The following MCPH1 variants were observed in gnomAD, a reference collection of about 807,000 sequenced individuals.
MCPH1 encodes microcephalin 1, also known as microcephalin.
MCPH1 carries 104 observed loss-of-function variants against 84.5 expected under a neutral mutation model. The ratio of observed to expected loss-of-function variants is 1.23; its 90% CI spans 1.05 to 1.45. The LOEUF is 1.45. MCPH1 is among the 40% of genes most tolerant of loss of function. MCPH1 has a pLI of 0.00. For missense variants in MCPH1, 1,498 were observed against 1,005.7 expected (o/e 1.49, Z -6.62); for synonymous variants, 514 against 366.8 (o/e 1.40, Z -4.58).
chr8:6,579,173 C>T (rs186125815), intron 12 of MCPH1, among the ~76,000 whole-genome samples: 8 of 152,324 alleles, frequency 5.3e-5, no homozygotes, highest in Non-Finnish European at 5.9e-5. Flanking sequence ...GCATCATCCA[C>T]CTGTAGCCTC....
intron 11 of MCPH1, among the ~76,000 whole-genome samples, chr8:6,494,854 T>A (rs188408028): frequency 6.6e-6 from 1 of 152,308 alleles, no homozygotes; most frequent in African/African-American, 2.4e-5. Flanking sequence ...TGATATAAAA[T>A]GCCATTGAAT....
chr8:6,487,296 C>G (rs1810052037), intron 11 of MCPH1, among the ~76,000 whole-genome samples: 1 of 152,122 alleles, frequency 6.6e-6, no homozygotes, highest in African/African-American at 2.4e-5. Context: ...CCACATTGAA[C>G]TTAGTAAGCA....
At chr8:6,472,819 G>T (rs1807923558) in intron 9 of MCPH1, among the ~76,000 whole-genome samples, 1 of 152,128 alleles carries the variant, frequency 6.6e-6, no homozygotes, top group Admixed American at 6.5e-5. Context: ...TTTGCGGAAG[G>T]CAAAATATCA....
intron 12 of MCPH1, among the ~76,000 whole-genome samples, chr8:6,582,638 C>T (rs114472607): frequency 0.011 from 1,689 of 152,284 alleles, 34 homozygotes; most frequent in African/African-American, 0.039. Context: ...CTGGTGCCCA[C>T]CTCCACCTCC....
intron 12 of MCPH1, among the ~76,000 whole-genome samples, chr8:6,567,406 G>A (rs1396225213): frequency 2.0e-5 from 3 of 151,990 alleles, no homozygotes; most frequent in Admixed American, 6.6e-5. Context: ...AGTGACCACC[G>A]TGTGAACAGG....
In MCPH1 at chr8:6,621,575, T is replaced by A. The variant is rs1323619409; in HGVS notation, c.2336T>A (p.Val779Asp). Residue 779 changes from valine (V) to aspartate (D), a missense_variant, in exon 13 of 14, where the codon GTC (valine) becomes GAC (aspartate). By Grantham distance (152) the Val-to-Asp change is radical (BLOSUM62 -3). Transcript: ENST00000344683. ...SPPVAKLCEL[V>D]HLCGGRVSQV... The stretch of plus-strand genomic sequence containing the variant: ...CCAGTGGCCAAGCTCTGTGAACTAG[T>A]CCACCTGTGCGGAGGCCGGGTCAGC... 1 of 1,614,078 alleles carries A rather than the reference T, an allele frequency of 6.2e-7. No homozygotes were observed. The highest frequency in any genetic ancestry group is 8.5e-7 in the Non-Finnish European group (1 of 1,180,050).
At chr8:6,634,485 C>T (rs370327272) in intron 13 of MCPH1, among the ~76,000 whole-genome samples, 2 of 141,418 alleles carry the variant, frequency 1.4e-5, no homozygotes, top group African/African-American at 4.9e-5. Flanking sequence ...ATGCCAAGGA[C>T]AGAATGACTG....
At chr8:6,622,644 A>G (rs1350570595) in intron 13 of MCPH1, among the ~76,000 whole-genome samples, 9 of 152,160 alleles carry the variant, frequency 5.9e-5, no homozygotes, top group African/African-American at 1.2e-4. Flanking sequence ...GAAGTCTAAG[A>G]TGGGGTATCG....
Position 6,465,993 on chromosome 8 carries a change from C to A in MCPH1, c.1935+10741C>A, listed in dbSNP as rs1040836962. Reference sequence around the variant, plus strand: ...CATCCGATACAGAGCCTCGCTCTGTCGCCCAGGCTGGAGTGCAGTGGCGCT... The same window carrying A: ...CATCCGATACAGAGCCTCGCTCTGTAGCCCAGGCTGGAGTGCAGTGGCGCT... On this transcript the variant is annotated intron_variant, in intron 9 of 13. Transcript: ENST00000344683. Among the ~76,000 whole-genome samples, 5 of 151,608 alleles carry A rather than the reference C, an allele frequency of 3.3e-5. No individual in the cohort carries two copies. The South Asian group carries it at 1.0e-3, about 32-fold the overall frequency.
intron 11 of MCPH1, among the ~76,000 whole-genome samples, chr8:6,496,611 G>C (rs893254946): frequency 6.6e-6 from 1 of 151,558 alleles, no homozygotes; most frequent in Admixed American, 6.6e-5. Flanking sequence ...TCACAGTATG[G>C]TGGGTGGTAA....
rs116394737 is a variant in MCPH1, at chr8:6,474,806, C to G, written c.1936-2788C>G. Among the ~76,000 whole-genome samples, 1,325 of 152,148 alleles carry G rather than the reference C, an allele frequency of 8.7e-3. 20 individuals carry two copies. Among genetic ancestry groups the G allele is most frequent in the African/African-American group, 0.03 (1,244 of 41,474 alleles). ...CCGAGGGCAGGTATTTGAGACCAGC[C>G]TTGGTGACATAGCGAGAGACCCCAT... On this transcript the variant is annotated intron_variant, in intron 9 of 13. Transcript: ENST00000344683.
chr8:6,578,182 C>T (rs1315586587), intron 12 of MCPH1, among the ~76,000 whole-genome samples: 1 of 152,208 alleles, frequency 6.6e-6, no homozygotes, highest in Non-Finnish European at 1.5e-5. Context: ...GGAATAAGCT[C>T]CAGCCACTGT....
At chr8:6,628,490 A>C (rs901139206) in intron 13 of MCPH1, among the ~76,000 whole-genome samples, 1 of 151,564 alleles carries the variant, frequency 6.6e-6, no homozygotes, top group African/African-American at 2.4e-5. Context: ...AAAAAAAAAA[A>C]AAAACATTAA....
chr8:6,574,307 TC>T (rs1437314838), intron 12 of MCPH1, among the ~76,000 whole-genome samples: 2 of 152,118 alleles, frequency 1.3e-5, no homozygotes, highest in African/African-American at 2.4e-5. Flanking sequence ...CATCCTAGCT[TC>T]TGGTGTTGCT....
intron 12 of MCPH1, among the ~76,000 whole-genome samples, chr8:6,525,424 C>G (rs967525090): frequency 1.6e-5 from 2 of 128,788 alleles, no homozygotes; most frequent in East Asian, 3.9e-4. Context: ...AAAATGAGTT[C>G]TCATTATATT....
At chr8:6,519,984 G>T (rs1817006467) in intron 12 of MCPH1, 1 of 1,613,476 alleles carries the variant, frequency 6.2e-7, no homozygotes, top group Non-Finnish European at 8.5e-7. Flanking sequence ...CAACAGTGGG[G>T]TCCTTAGCTG....
At chr8:6,550,431 C>T (rs1823431416) in intron 12 of MCPH1, among the ~76,000 whole-genome samples, 1 of 152,246 alleles carries the variant, frequency 6.6e-6, no homozygotes, top group African/African-American at 2.4e-5. Flanking sequence ...GTTGCCCTGG[C>T]ACCAAGCCAA....
chr8:6,435,609 G>T (rs532778643), intron 4 of MCPH1, among the ~76,000 whole-genome samples: 1 of 152,230 alleles, frequency 6.6e-6, no homozygotes, highest in African/African-American at 2.4e-5. Context: ...CTTAGGTTCT[G>T]CCCGTGGTTA....
chr8:6,447,765 G>A (rs1358714201), intron 8 of MCPH1, among the ~76,000 whole-genome samples: 1 of 152,044 alleles, frequency 6.6e-6, no homozygotes, highest in Non-Finnish European at 1.5e-5. Flanking sequence ...TGGCCAGGCT[G>A]GTCTTGAACT....
Sources: gnomAD v4.1 joint callset for allele counts (sites outside exome capture counted in the v4.1 genomes callset) on GRCh38, gnomAD v4.1.1 for gene constraint, MANE v1.5 for transcripts, NCBI Gene and HGNC (gene_info 2026-07-23, HGNC 2026-07-21) for gene names.